The following KDM6A variants were observed in gnomAD, a reference collection of about 807,000 sequenced individuals.
KDM6A encodes the protein lysine-specific demethylase 6A.
Under a neutral mutation model 117.6 loss-of-function variants are expected in KDM6A, and 11 were observed. That is an observed-to-expected ratio of 0.09 (90% CI 0.06 to 0.15). The LOEUF is 0.15. Among genes scored for constraint, KDM6A ranks in the 10% least tolerant of loss-of-function variants. The probability of loss-of-function intolerance (pLI) is 1.00; values close to 1 mark genes in which losing one functional copy is unlikely to be tolerated. For synonymous variants in KDM6A, 384 were observed against 396.1 expected (o/e 0.97, Z 0.36); for missense variants, 799 against 1,077.3 (o/e 0.74, Z 3.62).
At chrX:44,950,583 AGT>A (rs59987785) in intron 2 of KDM6A, among the ~76,000 whole-genome samples, 46 of 106,004 alleles carry the variant, frequency 4.3e-4, no homozygotes, top group Non-Finnish European at 4.5e-4. Flanking sequence ...CCTGGGTGTG[AGT>A]GTGTGTGTGT....
chrX:45,004,318 G>T (rs1209419478), intron 4 of KDM6A, among the ~76,000 whole-genome samples: 1 of 111,372 alleles, frequency 9.0e-6, no homozygotes, highest in Non-Finnish European at 1.9e-5. Flanking sequence ...AAACTGTCTA[G>T]AAGTACCTGG....
chrX:45,111,497 G>GT lies in KDM6A; in HGVS notation c.*87dup. The stretch of plus-strand genomic sequence containing the variant: ...CACCACTGGTTTTTGTAGCTATCTC[G>GT]TAAGGCTGCTGGCTGAAAACTGTGT... On this transcript the variant is annotated 3_prime_UTR_variant, in exon 30 of 30. Transcript: ENST00000611820. 2.4e-6 allele frequency: 2 copies of GT among 837,046 alleles called. No homozygotes were observed. The highest frequency in any genetic ancestry group is 3.6e-6 in the Non-Finnish European group (2 of 556,935). 69.0% of individuals were successfully genotyped at this position (837,046 alleles called of 1,213,427 possible).
At chrX:44,974,348 C>T (rs762145879) in intron 3 of KDM6A, among the ~76,000 whole-genome samples, 1 of 111,044 alleles carries the variant, frequency 9.0e-6, no homozygotes, top group Non-Finnish European at 1.9e-5. Flanking sequence ...AAATATTATG[C>T]CCCCATGTTT....
At chrX:45,094,599 G>A (rs2046024932) in intron 27 of KDM6A, among the ~76,000 whole-genome samples, 1 of 111,896 alleles carries the variant, frequency 8.9e-6, no homozygotes, top group African/African-American at 3.3e-5. Context: ...GAGAGGCCAT[G>A]TTGTATGAAT....
chrX:44,943,555 A>G (rs1001462070), intron 2 of KDM6A, among the ~76,000 whole-genome samples: 1 of 111,927 alleles, frequency 8.9e-6, no homozygotes, highest in African/African-American at 3.2e-5. Flanking sequence ...ATACTATGTG[A>G]TCTTTTGAGA....
In KDM6A at chrX:44,956,735, C is replaced by G. The variant is rs748388144; in HGVS notation, c.226-4549C>G. 2.7e-5 allele frequency among the ~76,000 whole-genome samples: 3 copies of G among 111,764 alleles called. 1 individual carries two copies. In the South Asian group the frequency reaches 1.1e-3, roughly 42 times the overall value. On this transcript the variant is annotated intron_variant, in intron 2 of 29. Coordinates refer to ENST00000611820, the MANE Select transcript of KDM6A (RefSeq NM_001291415.2). ...AAATAGCCATATTTCATGGATGATACATTGACCTGTTGTCTGCTTAAATCC... is the reference window on the plus strand; with the variant it reads ...AAATAGCCATATTTCATGGATGATAGATTGACCTGTTGTCTGCTTAAATCC...
intron 21 of KDM6A, 55 bp downstream of exon 21, chrX:45,079,406 G>A: frequency 3.2e-6 from 3 of 936,196 alleles, no homozygotes; most frequent in Non-Finnish European, 4.6e-6. Flanking sequence ...ATTTTACTTT[G>A]GAGTTTTGAA....
chrX:44,938,871 T>C (rs1348713504), intron 2 of KDM6A, among the ~76,000 whole-genome samples: 1 of 112,520 alleles, frequency 8.9e-6, no homozygotes, highest in African/African-American at 3.2e-5. Flanking sequence ...CTACCTATAC[T>C]TTATAAGTGA....
In KDM6A at chrX:45,101,934, C is replaced by G. The variant is rs370057238; in HGVS notation, c.4035-5476C>G. The stretch of plus-strand genomic sequence containing the variant: ...AACAGCACTGTAAGTTAAATATCCC[C>G]TTTTTTCAGCTGAGGAAACTGAGGC... On this transcript the variant is annotated intron_variant, in intron 27 of 29. Coordinates refer to ENST00000611820, the MANE Select transcript of KDM6A (RefSeq NM_001291415.2). 2.7e-5 allele frequency among the ~76,000 whole-genome samples: 3 copies of G among 110,907 alleles called. 1 individual carries two copies. Among genetic ancestry groups the G allele is most frequent in the East Asian group, 2.8e-4 (1 of 3,552 alleles).
chrX:45,020,600 A>G lies in KDM6A; in HGVS notation c.444-10A>G, dbSNP rs2147664318. The G allele has an allele frequency of 8.3e-7, 1 of 1,208,219 alleles. No homozygotes were observed. Among genetic ancestry groups the G allele is most frequent in the East Asian group, 3.0e-5 (1 of 33,773 alleles). ...AAAAGTTAAGATATCTTATGTCTAT[A>G]TTCTTTCAGGGCAATTAAAGCATTT... On this transcript the variant is annotated splice_polypyrimidine_tract_variant and intron_variant, in intron 5 of 29. Transcript: ENST00000611820.
intron 3 of KDM6A, among the ~76,000 whole-genome samples, chrX:44,965,446 G>A (rs1280252124): frequency 1.8e-5 from 2 of 112,045 alleles, no homozygotes; most frequent in Non-Finnish European, 3.8e-5. Flanking sequence ...TGGATTTAAA[G>A]TGAGAGATGC....
chrX:45,015,090 CTTTCTTTTCT>C (rs369410273), intron 5 of KDM6A, among the ~76,000 whole-genome samples: 4,040 of 109,389 alleles, frequency 0.037, 215 homozygotes, highest in African/African-American at 0.13. Flanking sequence ...CTTCTTTTTT[CTTTCTTTTCT>C]TTTCTTTTCT....
intron 4 of KDM6A, among the ~76,000 whole-genome samples, chrX:45,005,534 G>T (rs995685709): frequency 9.0e-6 from 1 of 111,516 alleles, no homozygotes. Flanking sequence ...ATCCTCATTC[G>T]ATCTAAACTT....
chrX:44,912,330 C>A (rs1378796354), intron 2 of KDM6A, among the ~76,000 whole-genome samples: 1 of 110,984 alleles, frequency 9.0e-6, no homozygotes, highest in Non-Finnish European at 1.9e-5. Flanking sequence ...CTCAGGTGAT[C>A]TGCCCACCTC....
intron 21 of KDM6A, among the ~76,000 whole-genome samples, chrX:45,081,934 A>G (rs946149893): frequency 1.8e-5 from 2 of 108,958 alleles, no homozygotes; most frequent in African/African-American, 3.3e-5. Context: ...GCCTGCCCCC[A>G]TGCCCGGCTA....
intron 3 of KDM6A, among the ~76,000 whole-genome samples, chrX:44,971,291 T>C (rs906667244): frequency 8.9e-6 from 1 of 112,046 alleles, no homozygotes; most frequent in Non-Finnish European, 1.9e-5. Context: ...GAAAAATTTC[T>C]CATAGTCTAA....
At chrX:45,104,468 G>A (rs2046455522) in intron 27 of KDM6A, among the ~76,000 whole-genome samples, 1 of 112,418 alleles carries the variant, frequency 8.9e-6, no homozygotes, top group African/African-American at 3.2e-5. Flanking sequence ...TATAAAATCA[G>A]TCTGGGGCTA....
intron 4 of KDM6A, 85 bp from the exon 5 acceptor site, chrX:45,010,876 C>A: frequency 1.4e-6 from 1 of 707,464 alleles, no homozygotes; most frequent in Non-Finnish European, 2.2e-6. Context: ...CTTAAAACAT[C>A]TTGGATACCG....
At chrX:45,041,399 C>A (rs1163106803) in intron 8 of KDM6A, among the ~76,000 whole-genome samples, 2 of 102,789 alleles carry the variant, frequency 1.9e-5, no homozygotes, top group Admixed American at 2.0e-4. Context: ...CCCCTCACCT[C>A]CCGGACGGGG....
Sources: allele counts gnomAD v4.1 joint callset (sites outside exome capture counted in the v4.1 genomes callset), GRCh38; gene constraint gnomAD v4.1.1; transcripts MANE v1.5; gene names NCBI Gene and HGNC (gene_info 2026-07-23, HGNC 2026-07-21).